Variants in PATJ observed in about 807,000 individuals in gnomAD.
PATJ encodes the protein PATJ crumbs cell polarity complex component, also known as inaD-like protein.
A neutral mutation model predicts 224.9 loss-of-function variants in PATJ; 190 were observed. That is an observed-to-expected ratio of 0.84 (90% CI 0.75 to 0.95). The LOEUF (loss-of-function observed/expected upper bound fraction) is 0.95, where lower values mean the gene tolerates loss of function less well. Ranked by LOEUF, PATJ falls within the 40% of genes least tolerant of loss-of-function variation. PATJ has a pLI of 0.00. For missense variants in PATJ, 2,121 were observed against 2,270.3 expected (o/e 0.93, Z 1.34); for synonymous variants, 769 against 820.3 (o/e 0.94, Z 1.07).
intron 39 of PATJ, among the ~76,000 whole-genome samples, chr1:62,126,343 C>T (rs1276213949): frequency 6.6e-6 from 1 of 152,210 alleles, no homozygotes; most frequent in East Asian, 1.9e-4. Context: ...TCCCCTGCTG[C>T]TGCCATTTCT....
rs755965939 is a variant in PATJ, at chr1:62,116,611, CAGAT to C, written c.4736_4739del (p.Gln1579ProfsTer4). ...GGATGGGAGATTGATTCAGGGAGAT[CAGAT>C]CTTATCTGTGAATGGGGAGGACATG... On this transcript the variant is annotated frameshift_variant, in exon 36 of 44. Coordinates refer to ENST00000642238, the MANE Select transcript of PATJ (RefSeq NM_001350145.3). LOFTEE classifies it high-confidence loss of function. 6 of 1,613,990 alleles carry C rather than the reference CAGAT, an allele frequency of 3.7e-6. No homozygotes were observed. The highest frequency in any genetic ancestry group is 5.1e-6 in the Non-Finnish European group (6 of 1,179,940).
At chr1:61,958,396 C>T (rs940554818) in intron 27 of PATJ, among the ~76,000 whole-genome samples, 1 of 152,058 alleles carries the variant, frequency 6.6e-6, no homozygotes, top group Non-Finnish European at 1.5e-5. Context: ...GTGGCAAATA[C>T]TAAATTGATT....
intron 31 of PATJ, among the ~76,000 whole-genome samples, chr1:62,060,128 C>T (rs1655184934): frequency 6.6e-6 from 1 of 152,056 alleles, no homozygotes; most frequent in Non-Finnish European, 1.5e-5. Context: ...ATAGCAATAC[C>T]ATCCACCTGG....
At position 61,763,124 on chromosome 1, in the gene PATJ, C is replaced by T. The variant is rs1017553478; in HGVS notation, c.134C>T (p.Pro45Leu). 1.9e-6 allele frequency: 3 copies of T among 1,608,406 alleles called. No individual in the cohort carries two copies. The Admixed American group carries it at 5.0e-5, about 27-fold the overall frequency. The change falls in exon 3 of 44, where the codon CCT becomes CTT. Residue 45 changes from proline to leucine, a missense_variant. Coordinates refer to ENST00000642238, the MANE Select transcript of PATJ (RefSeq NM_001350145.3). ...ATGTTTTATGAGACACTAAAGAGTC[C>T]TCTCTTCAACCAGATACTCACACTT... ...LSMFYETLKS[P>L]LFNQILTLQQ...
At chr1:61,791,553 A>G in intron 9 of PATJ, 106 bp downstream of exon 9, 1 of 663,154 alleles carries the variant, frequency 1.5e-6, no homozygotes, top group Non-Finnish European at 2.6e-6. Flanking sequence ...CTTGAACAAT[A>G]AAACCATGAG....
In PATJ at chr1:62,161,170, T is replaced by C; in HGVS notation, c.*116T>C. On this transcript the variant is annotated 3_prime_UTR_variant, in exon 44 of 44. Coordinates refer to ENST00000642238, the MANE Select transcript of PATJ (RefSeq NM_001350145.3). Reference sequence around the variant, plus strand: ...AAAATGCACCTTCATTCTTATTTCTTGCCCTCTCTGCTCAGGAGAAATGGC... The same window carrying C: ...AAAATGCACCTTCATTCTTATTTCTCGCCCTCTCTGCTCAGGAGAAATGGC... 1 of 758,498 alleles carries C rather than the reference T, an allele frequency of 1.3e-6. No individual in the cohort carries two copies. Among genetic ancestry groups the C allele is most frequent in the Non-Finnish European group, 1.9e-6 (1 of 530,698 alleles). The allele number at this position is 758,498 out of a possible 1,614,324, so 47.0% of individuals were successfully genotyped here.
chr1:61,815,107 A>G (rs893867360), intron 14 of PATJ, among the ~76,000 whole-genome samples: 2 of 152,234 alleles, frequency 1.3e-5, no homozygotes, highest in Non-Finnish European at 2.9e-5. Flanking sequence ...TAAATTGAGC[A>G]TAACTGGGGT....
rs1041375419 is a variant in PATJ, at chr1:62,086,242, G to A, written c.4377+1594G>A. Among the ~76,000 whole-genome samples, 15 of 150,506 alleles carry A rather than the reference G, an allele frequency of 1.0e-4. No individual in the cohort carries two copies. Among genetic ancestry groups the A allele is most frequent in the South Asian group, 8.6e-4 (4 of 4,670 alleles). On this transcript the variant is annotated intron_variant, in intron 33 of 43. Coordinates refer to ENST00000642238, the MANE Select transcript of PATJ (RefSeq NM_001350145.3). This position sits in a 1 kb window ranked among gnomAD's most constrained non-coding sequence, Gnocchi z 4.0. Reference sequence around the variant, plus strand: ...TTAATTAATGCATGTGTGTGTGTGTGTATGTGTGTGTGTGTGTTTAATACC... The same window carrying A: ...TTAATTAATGCATGTGTGTGTGTGTATATGTGTGTGTGTGTGTTTAATACC...
intron 31 of PATJ, among the ~76,000 whole-genome samples, chr1:62,062,059 A>G (rs968448889): frequency 6.6e-6 from 1 of 152,204 alleles, no homozygotes; most frequent in Non-Finnish European, 1.5e-5. Context: ...ATATGAATGC[A>G]GGTGTCTTTC....
intron 33 of PATJ, among the ~76,000 whole-genome samples, chr1:62,087,377 A>AT (rs1332878222): frequency 6.6e-6 from 1 of 151,574 alleles, no homozygotes; most frequent in Non-Finnish European, 1.5e-5. Flanking sequence ...TAGGCATAGG[A>AT]TGGGGGGCGG....
chr1:61,892,376 G>A (rs914902904), intron 22 of PATJ, among the ~76,000 whole-genome samples: 1 of 152,114 alleles, frequency 6.6e-6, no homozygotes, highest in Non-Finnish European at 1.5e-5. Flanking sequence ...AAGAGGAAAG[G>A]TCACCTTGGC....
chr1:61,972,252 T>C (rs1394174978), intron 27 of PATJ, among the ~76,000 whole-genome samples: 2 of 152,050 alleles, frequency 1.3e-5, no homozygotes, highest in Admixed American at 1.3e-4. Context: ...AAGTTTTGAC[T>C]GTGACCCGTC....
At chr1:62,124,690 T>C (rs894106393) in intron 39 of PATJ, among the ~76,000 whole-genome samples, 1 of 152,124 alleles carries the variant, frequency 6.6e-6, no homozygotes, top group Admixed American at 6.5e-5. Context: ...GAGGCCCCCC[T>C]CCTTGGCTTG....
At chr1:62,126,863 C>T (rs867462006) in intron 39 of PATJ, among the ~76,000 whole-genome samples, 1 of 152,096 alleles carries the variant, frequency 6.6e-6, no homozygotes. Flanking sequence ...GTTTAATTTA[C>T]TCCTGCTATT....
intron 14 of PATJ, among the ~76,000 whole-genome samples, chr1:61,816,136 TG>T (rs1397085825): frequency 1.8e-4 from 28 of 152,350 alleles, no homozygotes; most frequent in African/African-American, 6.7e-4. Context: ...CATTAAAATA[TG>T]GTTTCTCCCC....
intron 3 of PATJ, among the ~76,000 whole-genome samples, chr1:61,763,592 A>G (rs1181172566): frequency 6.6e-6 from 1 of 152,110 alleles, no homozygotes; most frequent in Non-Finnish European, 1.5e-5. Context: ...TTATTTAAGT[A>G]TGTAAAGGTC....
intron 1 of PATJ, among the ~76,000 whole-genome samples, chr1:61,753,512 A>G (rs1186963846): frequency 1.4e-5 from 1 of 73,864 alleles, no homozygotes; most frequent in Non-Finnish European, 2.5e-5. Context: ...TGATTCTATT[A>G]CATATTTTTT....
In PATJ at chr1:62,161,636, GC is replaced by G. The variant is rs1669850927; in HGVS notation, c.*585del. On this transcript the variant is annotated 3_prime_UTR_variant, in exon 44 of 44. Transcript: ENST00000642238. ...TTCCAGGCGTGAGCCACTGCGCCCA[GC>G]CCAGTATTCTGATTTTAACCAACTG... The G allele has an allele frequency of 6.6e-6, 1 of 152,250 alleles. No homozygotes were observed. The highest frequency in any genetic ancestry group is 2.1e-4 in the South Asian group (1 of 4,828). 9.4% of individuals were successfully genotyped at this position (152,250 alleles called of 1,614,324 possible).
At chr1:61,984,160 T>G (rs1159931112) in intron 27 of PATJ, among the ~76,000 whole-genome samples, 1 of 130,040 alleles carries the variant, frequency 7.7e-6, no homozygotes, top group Non-Finnish European at 1.6e-5. Context: ...TTATTATTAT[T>G]ATTATTTTTT....
Sources: allele counts gnomAD v4.1 joint callset (sites outside exome capture counted in the v4.1 genomes callset), GRCh38; gene constraint gnomAD v4.1.1; non-coding constraint Gnocchi (gnomAD v3.1); transcripts MANE v1.5; gene names NCBI Gene and HGNC (gene_info 2026-07-23, HGNC 2026-07-21).